The following CACNA1C variants were observed in gnomAD, a reference collection of about 807,000 sequenced individuals.
CACNA1C encodes voltage-dependent L-type calcium channel subunit alpha-1C.
A neutral mutation model predicts 229.0 loss-of-function variants in CACNA1C; 30 were observed. That is an observed-to-expected ratio of 0.13 (90% CI 0.10 to 0.18). The LOEUF is 0.18. CACNA1C is among the 10% of genes least tolerant of loss of function. The pLI, the probability that CACNA1C is intolerant of heterozygous loss-of-function variation, is 1.00. For missense variants in CACNA1C, 1,658 were observed against 2,845.0 expected, an observed-to-expected ratio of 0.58 and a Z score of 9.49; for synonymous variants, 1,114 against 1,132.5, an observed-to-expected ratio of 0.98 and a Z score of 0.33.
intron 1 of CACNA1C, among the ~76,000 whole-genome samples, chr12:2,028,531 C>T (rs959183718): frequency 1.3e-5 from 2 of 152,180 alleles, no homozygotes; most frequent in South Asian, 2.1e-4. Flanking sequence ...TATTGAATTC[C>T]TCCTTTTATC....
At chr12:2,187,634 A>C (rs545054361) in intron 3 of CACNA1C, among the ~76,000 whole-genome samples, 1 of 152,350 alleles carries the variant, frequency 6.6e-6, no homozygotes, top group East Asian at 1.9e-4. Flanking sequence ...TGAGTCAGTG[A>C]CCGACAGGCC....
intron 3 of CACNA1C, among the ~76,000 whole-genome samples, chr12:2,227,184 T>A (rs998522573): frequency 2.3e-4 from 35 of 152,208 alleles, no homozygotes; most frequent in Non-Finnish European, 4.0e-4. Context: ...TCCTTCCAGC[T>A]CCTCGCCTTC....
At chr12:2,457,446 C>T (rs556449912) in intron 4 of CACNA1C, 121 bp from the exon 5 acceptor site, 36 of 1,026,296 alleles carry the variant, frequency 3.5e-5, no homozygotes, top group African/African-American at 2.0e-4. Context: ...CCACAACGCC[C>T]GCCCCTGGGC....
chr12:2,094,647 C>T (rs1181354185), intron 1 of CACNA1C, among the ~76,000 whole-genome samples: 1 of 152,166 alleles, frequency 6.6e-6, no homozygotes, highest in African/African-American at 2.4e-5. Flanking sequence ...ATAAACTTGT[C>T]TAGAGTCACA....
intron 3 of CACNA1C, among the ~76,000 whole-genome samples, chr12:2,142,133 G>A (rs1278336877): frequency 3.3e-5 from 5 of 151,180 alleles, no homozygotes; most frequent in South Asian, 4.2e-4. Flanking sequence ...TATGAGTGCC[G>A]CAGTGTGCAG....
chr12:2,611,868 C>A (rs937673053), intron 28 of CACNA1C, 35 bp from the exon 29 acceptor site: 2 of 1,355,832 alleles, frequency 1.5e-6, no homozygotes, highest in Admixed American at 1.7e-5. Flanking sequence ...ACCTCCCTGC[C>A]CCGTGTTCAC....
chr12:2,329,083 A>G (rs987728603), intron 3 of CACNA1C, among the ~76,000 whole-genome samples: 1 of 152,188 alleles, frequency 6.6e-6, no homozygotes, highest in Admixed American at 6.5e-5. Flanking sequence ...ATAGATAACT[A>G]AAGATAGCAC....
rs760812434 is a variant in CACNA1C at position 2,285,937 on chromosome 12, G to A, written c.478-163039G>A. ...GCTTTTCAGGCCATTTCGTTTAGGC[G>A]AGCCCTCATGTTATAGTCAGGGAGT... On this transcript the variant is annotated intron_variant, in intron 3 of 46. Coordinates refer to ENST00000399655, the MANE Select transcript of CACNA1C (RefSeq NM_000719.7). The surrounding 1 kb of genome is among the most constrained non-coding windows in gnomAD (Gnocchi z 4.2). 1.3e-5 allele frequency among the ~76,000 whole-genome samples: 2 copies of A among 152,132 alleles called. No individual in the cohort carries two copies. The highest frequency in any genetic ancestry group is 1.3e-4 in the Admixed American group (2 of 15,274).
chr12:2,011,238 T>C (rs1393655628), intron 1 of CACNA1C: 1 of 151,304 alleles, frequency 6.6e-6, no homozygotes. Flanking sequence ...CAGTGTACCA[T>C]GGAAAGGACA....
rs577849235 is a variant in CACNA1C at position 2,004,204 on chromosome 12, G to A, written c.139+33003G>A. 5 of 1,576,368 alleles carry A rather than the reference G, an allele frequency of 3.2e-6. No homozygotes were observed. In the Admixed American group the frequency reaches 5.3e-5, roughly 17 times the overall value. The stretch of plus-strand genomic sequence containing the variant: ...GTCAACGTCTCCTCCCCCTCACCGG[G>A]TCCTCAAGTCCTGAGTCTGACGCCC... On this transcript the variant is annotated intron_variant, in intron 1 of 46. Transcript: ENST00000682462.
At chr12:2,126,452 A>C (rs555416499) in intron 3 of CACNA1C, among the ~76,000 whole-genome samples, 3 of 152,294 alleles carry the variant, frequency 2.0e-5, no homozygotes, top group African/African-American at 7.2e-5. Flanking sequence ...GTGTGTGGAA[A>C]ACTTCCTGTC....
chr12:2,334,648 A>G (rs1267961608), intron 3 of CACNA1C, among the ~76,000 whole-genome samples: 1 of 152,162 alleles, frequency 6.6e-6, no homozygotes, highest in East Asian at 1.9e-4. Context: ...CTACAAAATA[A>G]TATTTTTTTC....
intron 3 of CACNA1C, among the ~76,000 whole-genome samples, chr12:2,253,807 A>G (rs750946926): frequency 2.6e-5 from 4 of 152,234 alleles, no homozygotes; most frequent in Non-Finnish European, 4.4e-5. Flanking sequence ...TCATGTTGCA[A>G]TGGAAGATTT....
intron 29 of CACNA1C, among the ~76,000 whole-genome samples, chr12:2,624,131 GTTTGT>G (rs1305998448): frequency 6.6e-6 from 1 of 152,190 alleles, no homozygotes; most frequent in African/African-American, 2.4e-5. Flanking sequence ...TTGTTTGGGG[GTTTGT>G]TTTGTGTCAT....
chr12:2,270,787 A>G (rs1369979980), intron 3 of CACNA1C, among the ~76,000 whole-genome samples: 5 of 152,242 alleles, frequency 3.3e-5, no homozygotes, highest in Middle Eastern at 3.4e-3. Context: ...CACTATTCCA[A>G]TTCTTCTTTT....
chr12:2,294,905 G>A (rs1297810048), intron 3 of CACNA1C, among the ~76,000 whole-genome samples: 1 of 152,148 alleles, frequency 6.6e-6, no homozygotes, highest in African/African-American at 2.4e-5. Context: ...ATCTGCTCCA[G>A]TTGTGTAATC....
chr12:2,398,243 G>A (rs537291870), intron 3 of CACNA1C, among the ~76,000 whole-genome samples: 1 of 152,276 alleles, frequency 6.6e-6, no homozygotes, highest in East Asian at 1.9e-4. Context: ...TTCCACATAC[G>A]TGCCCCTCCC....
intron 3 of CACNA1C, among the ~76,000 whole-genome samples, chr12:2,435,969 G>A (rs1449824819): frequency 6.6e-6 from 1 of 152,230 alleles, no homozygotes; most frequent in Non-Finnish European, 1.5e-5. Context: ...GGCTGGGCAA[G>A]CCAAAGCACC....
chr12:2,601,467 G>T lies in CACNA1C; in HGVS notation c.2854-387G>T, dbSNP rs553239133. ...GACTCAAGCATTTGGAGAGGCAGTC[G>T]GGATGTGTGCTCCCAACCCGACAGC... On this transcript the variant is annotated intron_variant, in intron 21 of 46. Coordinates refer to ENST00000399655, the MANE Select transcript of CACNA1C (RefSeq NM_000719.7). This position sits in a 1 kb window ranked among gnomAD's most constrained non-coding sequence, Gnocchi z 5.9. 6.6e-6 allele frequency among the ~76,000 whole-genome samples: 1 copy of T among 152,084 alleles called. No individual in the cohort carries two copies. The highest frequency in any genetic ancestry group is 3.2e-3 in the Middle Eastern group (1 of 316).
Sources: gnomAD v4.1 joint callset for allele counts (sites outside exome capture counted in the v4.1 genomes callset) on GRCh38, gnomAD v4.1.1 for gene constraint, Gnocchi (gnomAD v3.1) non-coding constraint, MANE v1.5 for transcripts, NCBI Gene and HGNC (gene_info 2026-07-23, HGNC 2026-07-21) for gene names.